The following PDE1C variants were observed in gnomAD, a reference collection of about 807,000 sequenced individuals.
The protein encoded by PDE1C is dual specificity calcium/calmodulin-dependent 3',5'-cyclic nucleotide phosphodiesterase 1C.
Under a neutral mutation model 93.1 loss-of-function variants are expected in PDE1C, and 62 were observed. The ratio of observed to expected loss-of-function variants is 0.67; its 90% CI spans 0.54 to 0.82. The LOEUF is 0.82. PDE1C is among the 40% of genes least tolerant of loss of function. PDE1C has a pLI of 0.00. For missense variants in PDE1C, 742 were observed against 884.6 expected (o/e 0.84, Z 2.04); for synonymous variants, 325 against 310.1 (o/e 1.05, Z -0.50).
intron 1 of PDE1C, among the ~76,000 whole-genome samples, chr7:32,238,200 A>C (rs1485903892): frequency 6.6e-6 from 1 of 152,250 alleles, no homozygotes; most frequent in Non-Finnish European, 1.5e-5. Context: ...CCTTTACACC[A>C]CCAATGTACA....
At chr7:31,958,409 T>C (rs1446738685) in intron 2 of PDE1C, among the ~76,000 whole-genome samples, 1 of 152,262 alleles carries the variant, frequency 6.6e-6, no homozygotes, top group African/African-American at 2.4e-5. Context: ...TTTTTGTAAA[T>C]TGAGCAATTC....
At chr7:32,176,698 C>CTT (rs1562550239) in intron 2 of PDE1C, among the ~76,000 whole-genome samples, 19 of 151,778 alleles carry the variant, frequency 1.3e-4, no homozygotes, top group African/African-American at 3.9e-4. Flanking sequence ...TGCACACACA[C>CTT]GTACTCACAC....
the PDE1C span, among the ~76,000 whole-genome samples, chr7:31,681,370 C>CGGACGGAT: frequency 9.5e-5 from 5 of 52,602 alleles, no homozygotes; most frequent in African/African-American, 3.1e-4. Context: ...GATGGATGGA[C>CGGACGGAT]GGATGGATGG....
chr7:32,094,153 T>C (rs1797623030), intron 3 of PDE1C, among the ~76,000 whole-genome samples: 1 of 152,300 alleles, frequency 6.6e-6, no homozygotes, highest in Middle Eastern at 3.4e-3. Context: ...CTCTTATTTG[T>C]AGCATTTACT....
At chr7:32,049,497 G>C (rs531558748) in intron 2 of PDE1C, among the ~76,000 whole-genome samples, 1 of 152,106 alleles carries the variant, frequency 6.6e-6, no homozygotes, top group African/African-American at 2.4e-5. Flanking sequence ...ATGAGGAAGG[G>C]GCTTTACTGG....
intron 16 of PDE1C, 90 bp from the exon 17 acceptor site, chr7:31,775,822 G>T: frequency 1.8e-6 from 2 of 1,120,952 alleles, no homozygotes; most frequent in East Asian, 2.4e-5. Flanking sequence ...TTATCAAGTT[G>T]GGGTCTGAAA....
chr7:32,389,378 G>T (rs568388069), intron 1 of PDE1C, among the ~76,000 whole-genome samples: 9 of 152,058 alleles, frequency 5.9e-5, no homozygotes, highest in African/African-American at 9.7e-5. Context: ...CACCACGCTC[G>T]ACTAATTTTT....
intron 2 of PDE1C, among the ~76,000 whole-genome samples, chr7:32,026,779 T>G (rs12216632): frequency 0.11 from 17,405 of 152,082 alleles, 1,070 homozygotes; most frequent in Non-Finnish European, 0.13. Flanking sequence ...TATAGGTGAA[T>G]GGTTAAACAA....
At chr7:32,162,663 G>A (rs1052620941) in intron 3 of PDE1C, among the ~76,000 whole-genome samples, 2 of 152,044 alleles carry the variant, frequency 1.3e-5, no homozygotes, top group African/African-American at 4.8e-5. Flanking sequence ...CTGACCTTAG[G>A]GTCCCTGCCA....
intron 2 of PDE1C, among the ~76,000 whole-genome samples, chr7:32,204,044 T>C (rs912531727): frequency 3.9e-5 from 6 of 152,194 alleles, no homozygotes; most frequent in African/African-American, 1.4e-4. Flanking sequence ...CTAAGTGCAC[T>C]TAGAAATTGC....
At chr7:31,723,795 T>C in the PDE1C span, among the ~76,000 whole-genome samples, 1 of 152,238 alleles carries the variant, frequency 6.6e-6, no homozygotes, top group African/African-American at 2.4e-5. Context: ...GACACTTTTC[T>C]TTAGTTAATT....
chr7:32,234,621 G>GT, intron 1 of PDE1C, among the ~76,000 whole-genome samples: 1 of 152,046 alleles, frequency 6.6e-6, no homozygotes, highest in African/African-American at 2.4e-5. Flanking sequence ...TGAATTTGTA[G>GT]TTTAAAACTT....
At chr7:32,083,124 A>G (rs1335559663) in intron 3 of PDE1C, among the ~76,000 whole-genome samples, 1 of 152,130 alleles carries the variant, frequency 6.6e-6, no homozygotes, top group East Asian at 1.9e-4. Context: ...AGACGAATGT[A>G]TAACTAGAAT....
chr7:32,152,597 G>C (rs1436615369), intron 3 of PDE1C, among the ~76,000 whole-genome samples: 2 of 152,136 alleles, frequency 1.3e-5, no homozygotes, highest in East Asian at 1.9e-4. Context: ...TTATCAAGTG[G>C]AGATGCCCTT....
the PDE1C span, among the ~76,000 whole-genome samples, chr7:31,654,921 G>A: frequency 3.9e-5 from 6 of 152,028 alleles, no homozygotes; most frequent in Non-Finnish European, 8.8e-5. Context: ...TTGACTCAGC[G>A]GGGCCTTCCT....
chr7:31,753,621 TG>T, intron 17 of PDE1C, 68 bp from the exon 18 acceptor site: 1 of 1,526,360 alleles, frequency 6.6e-7, no homozygotes, highest in South Asian at 1.3e-5. Context: ...ACCTAAATAT[TG>T]TGAGCAACTT....
intron 1 of PDE1C, among the ~76,000 whole-genome samples, chr7:32,222,724 T>A (rs1806966850): frequency 6.6e-6 from 1 of 152,174 alleles, no homozygotes; most frequent in Non-Finnish European, 1.5e-5. Flanking sequence ...CCAGACCTGC[T>A]TCATTCCAGC....
chr7:31,813,239 G>C (rs1054163726), intron 15 of PDE1C, among the ~76,000 whole-genome samples: 1 of 152,056 alleles, frequency 6.6e-6, no homozygotes, highest in African/African-American at 2.4e-5. Flanking sequence ...ATTTATCTGG[G>C]AGGTAGGGTT....
chr7:31,660,723 T>G, the PDE1C span, among the ~76,000 whole-genome samples: 1 of 152,124 alleles, frequency 6.6e-6, no homozygotes, highest in Non-Finnish European at 1.5e-5. Flanking sequence ...TTATGTTCCT[T>G]TCTGTAAACC....
Sources: allele counts gnomAD v4.1 joint callset (sites outside exome capture counted in the v4.1 genomes callset), GRCh38; gene constraint gnomAD v4.1.1; transcripts MANE v1.5; gene names NCBI Gene and HGNC (gene_info 2026-07-23, HGNC 2026-07-21).